The following DLGAP1 variants were observed in gnomAD, a reference collection of about 807,000 sequenced individuals.
DLGAP1 encodes the protein DLG associated protein 1.
Under a neutral mutation model 90.8 loss-of-function variants are expected in DLGAP1, and 11 were observed. That is an observed-to-expected ratio of 0.12 (90% CI 0.08 to 0.20). The LOEUF (loss-of-function observed/expected upper bound fraction) is 0.20, where lower values mean the gene tolerates loss of function less well. DLGAP1 is among the 10% of genes least tolerant of loss of function. The probability of loss-of-function intolerance (pLI) is 1.00; values close to 1 mark genes in which losing one functional copy is unlikely to be tolerated. For synonymous variants in DLGAP1, 558 were observed against 540.7 expected, an observed-to-expected ratio of 1.03 and a Z score of -0.44; for missense variants, 1,050 against 1,333.8, an observed-to-expected ratio of 0.79 and a Z score of 3.31.
intron 1 of DLGAP1, among the ~76,000 whole-genome samples, chr18:4,407,145 T>A (rs1350342804): frequency 1.3e-5 from 2 of 152,166 alleles, no homozygotes; most frequent in African/African-American, 4.8e-5. Flanking sequence ...AATCCCACTT[T>A]AGCAATGCAA....
chr18:3,978,221 T>C, intron 3 of DLGAP1: 1 of 429,402 alleles, frequency 2.3e-6, no homozygotes, highest in Non-Finnish European at 4.5e-6. Flanking sequence ...TTCATACTTC[T>C]CATCGTTCAT....
chr18:3,765,976 A>G (rs2064224423), intron 5 of DLGAP1, among the ~76,000 whole-genome samples: 1 of 151,914 alleles, frequency 6.6e-6, no homozygotes, highest in Non-Finnish European at 1.5e-5. Context: ...AAAATAAAAA[A>G]TGGCAGACTT....
At chr18:4,321,354 T>C (rs190511154) in intron 1 of DLGAP1, among the ~76,000 whole-genome samples, 13 of 152,342 alleles carry the variant, frequency 8.5e-5, no homozygotes, top group African/African-American at 2.2e-4. Flanking sequence ...ATAGTAAAAG[T>C]ACTCAATCAT....
At chr18:4,195,441 C>A (rs1288336115) in intron 1 of DLGAP1, among the ~76,000 whole-genome samples, 1 of 152,180 alleles carries the variant, frequency 6.6e-6, no homozygotes, top group African/African-American at 2.4e-5. Flanking sequence ...AATTGTCTTG[C>A]TCTAAAAATG....
intron 3 of DLGAP1, among the ~76,000 whole-genome samples, chr18:3,992,415 C>T (rs949838702): frequency 2.6e-5 from 4 of 152,178 alleles, no homozygotes; most frequent in African/African-American, 7.2e-5. Context: ...CGGTGGTTTA[C>T]GCCTGTAATC....
chr18:3,950,543 A>C (rs2072965313), intron 3 of DLGAP1, among the ~76,000 whole-genome samples: 1 of 152,204 alleles, frequency 6.6e-6, no homozygotes, highest in Non-Finnish European at 1.5e-5. Context: ...GCTTATGACT[A>C]TTTTCCTTGT....
At chr18:3,547,214 T>G (rs984492364) in intron 9 of DLGAP1, among the ~76,000 whole-genome samples, 14 of 141,760 alleles carry the variant, frequency 9.9e-5, no homozygotes, top group African/African-American at 3.5e-4. Flanking sequence ...GGCAGGAGAA[T>G]GGCTTGAACC....
intron 1 of DLGAP1, among the ~76,000 whole-genome samples, chr18:4,432,590 G>GTGTGTGTGTGTA (rs72400328): frequency 0.3 from 11,418 of 37,696 alleles, 503 homozygotes; most frequent in African/African-American, 0.34. Context: ...ACCTCACATA[G>GTGTGTGTGTGTA]TGTGTGTGTG....
chr18:3,672,595 AAAAAAAAAAAAAAAGTTAATGAG>A (rs1248459008), intron 7 of DLGAP1, among the ~76,000 whole-genome samples: 7,388 of 136,304 alleles, frequency 0.054, 489 homozygotes, highest in African/African-American at 0.14. Context: ...AAAAAAAAAA[AAAAAAAAAAAAAAAGTTAATGAG>A]AAACAGGTAG....
intron 1 of DLGAP1, among the ~76,000 whole-genome samples, chr18:4,234,314 T>C (rs942801817): frequency 6.6e-6 from 1 of 152,148 alleles, no homozygotes; most frequent in African/African-American, 2.4e-5. Context: ...TTAAAGCTGA[T>C]GAAGTGCTCT....
At chr18:4,060,689 T>G (rs2075286116) in intron 2 of DLGAP1, among the ~76,000 whole-genome samples, 2 of 152,190 alleles carry the variant, frequency 1.3e-5, no homozygotes, top group East Asian at 3.9e-4. Flanking sequence ...ATGACTTATC[T>G]CATTCAAAAG....
At chr18:3,741,094 C>CCATCACCACCACCATCACCAT in intron 6 of DLGAP1, among the ~76,000 whole-genome samples, 1 of 115,408 alleles carries the variant, frequency 8.7e-6, no homozygotes, top group South Asian at 3.5e-4. Context: ...ACCATCACCA[C>CCATCACCACCACCATCACCAT]CACCACCATC....
chr18:3,752,301 A>C (rs2063531216), intron 5 of DLGAP1, among the ~76,000 whole-genome samples: 1 of 152,030 alleles, frequency 6.6e-6, no homozygotes, highest in South Asian at 2.1e-4. Flanking sequence ...ATTACTACTG[A>C]ATTTTAGAAC....
intron 8 of DLGAP1, among the ~76,000 whole-genome samples, chr18:3,568,577 C>T (rs576151193): frequency 1.3e-5 from 2 of 151,950 alleles, no homozygotes; most frequent in Admixed American, 6.6e-5. Flanking sequence ...AATTAAAATA[C>T]AGAAATATAT....
chr18:4,058,077 T>A (rs1314854270), intron 2 of DLGAP1, among the ~76,000 whole-genome samples: 1 of 152,118 alleles, frequency 6.6e-6, no homozygotes, highest in African/African-American at 2.4e-5. Flanking sequence ...AGTAGTAGGG[T>A]TAAAGCCTGA....
At chr18:4,362,938 C>T (rs558731206) in intron 1 of DLGAP1, among the ~76,000 whole-genome samples, 1 of 152,094 alleles carries the variant, frequency 6.6e-6, no homozygotes, top group African/African-American at 2.4e-5. Context: ...GGAGGGCCAA[C>T]TTGACTTGGA....
At chr18:3,930,396 C>G (rs2072489776) in intron 3 of DLGAP1, among the ~76,000 whole-genome samples, 1 of 152,178 alleles carries the variant, frequency 6.6e-6, no homozygotes, top group Non-Finnish European at 1.5e-5. Flanking sequence ...GTGAAATCAT[C>G]ACTCCTATTT....
intron 7 of DLGAP1, among the ~76,000 whole-genome samples, chr18:3,618,561 C>G (rs564962761): frequency 6.7e-6 from 1 of 149,694 alleles, no homozygotes; most frequent in South Asian, 2.1e-4. Flanking sequence ...TTGCTATTTG[C>G]TTACACAGGT....
intron 1 of DLGAP1, among the ~76,000 whole-genome samples, chr18:4,287,209 C>A (rs1329738154): frequency 6.6e-6 from 1 of 152,084 alleles, no homozygotes; most frequent in Non-Finnish European, 1.5e-5. Flanking sequence ...ATCAAAAGCA[C>A]AATGAGATAC....
Sources: gnomAD v4.1 joint callset for allele counts (sites outside exome capture counted in the v4.1 genomes callset) on GRCh38, gnomAD v4.1.1 for gene constraint, MANE v1.5 for transcripts, NCBI Gene and HGNC (gene_info 2026-07-23, HGNC 2026-07-21) for gene names.